Variants in LNX2 observed in about 807,000 individuals in gnomAD.
LNX2 encodes the protein ligand of numb-protein X 2, also known as ligand of Numb protein X 2.
Under a neutral mutation model 66.2 loss-of-function variants are expected in LNX2, and 35 were observed. The observed-to-expected ratio is 0.53, with a 90% confidence interval of 0.40 to 0.70. LNX2 has a LOEUF of 0.70. Ranked by LOEUF, LNX2 falls within the 30% of genes least tolerant of loss-of-function variation. LNX2 has a pLI of 0.00. For synonymous variants in LNX2, 337 were observed against 315.6 expected (o/e 1.07, Z -0.72); for missense variants, 791 against 850.8 (o/e 0.93, Z 0.87).
chr13:27,574,239 G>A (rs1240422297), intron 2 of LNX2, among the ~76,000 whole-genome samples: 1 of 152,200 alleles, frequency 6.6e-6, no homozygotes, highest in Non-Finnish European at 1.5e-5. Flanking sequence ...GGGGTCAGGA[G>A]TTCAAGACCA....
upstream of LNX2, chr13:27,620,953 A>C (rs1005666007): frequency 6.5e-6 from 1 of 152,806 alleles, no homozygotes; most frequent in Non-Finnish European, 1.5e-5. Context: ...GGAAGCAGAA[A>C]CGTAGTTGCG....
At position 27,576,907 on chromosome 13, in the gene LNX2, T is replaced by G. The variant is rs189633512; in HGVS notation, c.407+4390A>C. 2.1e-4 allele frequency among the ~76,000 whole-genome samples: 32 copies of G among 152,292 alleles called. 1 individual carries two copies. The highest frequency in any genetic ancestry group is 1.5e-3 in the Admixed American group (23 of 15,304). ...TTGTGACCTTGAATTGGGCAATGTT[T>G]TCTTAGATATGACACCAAAAGCATA... On this transcript the variant is annotated intron_variant, in intron 2 of 9. Coordinates refer to ENST00000316334, the MANE Select transcript of LNX2 (RefSeq NM_153371.4).
chr13:27,580,572 A>C (rs1425105820), intron 2 of LNX2, among the ~76,000 whole-genome samples: 1 of 152,178 alleles, frequency 6.6e-6, no homozygotes, highest in African/African-American at 2.4e-5. Context: ...GTCTTTTAGC[A>C]AAATCAAATT....
intron 1 of LNX2, among the ~76,000 whole-genome samples, chr13:27,583,792 C>A (rs1290897479): frequency 6.6e-6 from 1 of 152,028 alleles, no homozygotes; most frequent in Non-Finnish European, 1.5e-5. Flanking sequence ...ACAGTTAAAG[C>A]CCATTATTAA....
intron 2 of LNX2, among the ~76,000 whole-genome samples, chr13:27,578,669 C>T (rs576121764): frequency 6.6e-6 from 1 of 152,300 alleles, no homozygotes; most frequent in South Asian, 2.1e-4. Flanking sequence ...CTGAGGCTGT[C>T]ATGCTGGGAA....
Position 27,548,199 on chromosome 13 carries a change from C to A in LNX2, c.*136G>T. On this transcript the variant is annotated 3_prime_UTR_variant, in exon 10 of 10. Transcript: ENST00000316334. ...AACCATTTAAATAAACATAAACGGA[C>A]AATCTTAGTGGGTTTTGGCCCTGTG... 1 of 696,108 alleles carries A rather than the reference C, an allele frequency of 1.4e-6. No homozygotes were observed. Among genetic ancestry groups the A allele is most frequent in the South Asian group, 2.1e-5 (1 of 48,726 alleles). 43.1% of individuals were successfully genotyped at this position (696,108 alleles called of 1,614,324 possible).
intron 2 of LNX2, among the ~76,000 whole-genome samples, chr13:27,570,115 T>A (rs1464184650): frequency 6.6e-6 from 1 of 152,194 alleles, no homozygotes; most frequent in Non-Finnish European, 1.5e-5. Flanking sequence ...ATTGGACACC[T>A]TGATTGGACA....
At chr13:27,616,617 A>G (rs1566136370) in intron 1 of LNX2, among the ~76,000 whole-genome samples, 2 of 152,226 alleles carry the variant, frequency 1.3e-5, no homozygotes. Flanking sequence ...GGGATTCTGC[A>G]GTTAGCAAAA....
intron 2 of LNX2, among the ~76,000 whole-genome samples, chr13:27,571,172 T>C (rs1207848142): frequency 3.3e-5 from 5 of 152,096 alleles, no homozygotes; most frequent in Non-Finnish European, 5.9e-5. Context: ...CCAGCCTGAG[T>C]AGATGAAATT....
chr13:27,572,463 T>A (rs1195161256), intron 2 of LNX2, among the ~76,000 whole-genome samples: 2 of 152,230 alleles, frequency 1.3e-5, no homozygotes, highest in Non-Finnish European at 2.9e-5. Context: ...GGCAGTGCAA[T>A]CTGCCATGGG....
chr13:27,577,567 CA>C (rs1394497078), intron 2 of LNX2, among the ~76,000 whole-genome samples: 1 of 152,018 alleles, frequency 6.6e-6, no homozygotes, highest in African/African-American at 2.4e-5. Context: ...AAAATAATCC[CA>C]AAAGCCTTCC....
At chr13:27,607,361 T>C (rs1230874162) in intron 1 of LNX2, among the ~76,000 whole-genome samples, 2 of 152,228 alleles carry the variant, frequency 1.3e-5, no homozygotes, top group African/African-American at 4.8e-5. Context: ...CAAGTTCTTA[T>C]GTACCAAAGA....
intron 1 of LNX2, among the ~76,000 whole-genome samples, chr13:27,619,976 T>C (rs567891794): frequency 3.8e-4 from 58 of 152,194 alleles, no homozygotes; most frequent in African/African-American, 1.4e-3. Context: ...GCCACTCTCA[T>C]TGCCGACACC....
intron 1 of LNX2, among the ~76,000 whole-genome samples, chr13:27,584,532 G>T (rs748201961): frequency 7.2e-5 from 11 of 151,862 alleles, no homozygotes; most frequent in Middle Eastern, 6.9e-3. Flanking sequence ...CAAAAAATAA[G>T]AAAATTAGCC....
chr13:27,618,971 T>TG (rs1955858193), intron 1 of LNX2, among the ~76,000 whole-genome samples: 1 of 152,212 alleles, frequency 6.6e-6, no homozygotes, highest in Non-Finnish European at 1.5e-5. Flanking sequence ...GATAAAGGCA[T>TG]GGATCAGTTT....
At chr13:27,558,945 G>A (rs1346096625) in intron 6 of LNX2, among the ~76,000 whole-genome samples, 4 of 152,044 alleles carry the variant, frequency 2.6e-5, no homozygotes, top group African/African-American at 9.7e-5. Flanking sequence ...GTTACTTTCA[G>A]GTGACAATAA....
intron 1 of LNX2, among the ~76,000 whole-genome samples, chr13:27,594,819 T>A (rs561682256): frequency 6.6e-6 from 1 of 152,126 alleles, no homozygotes; most frequent in Non-Finnish European, 1.5e-5. Flanking sequence ...CGATTCCACC[T>A]CCAGAATGTG....
At chr13:27,611,441 G>A (rs1593266744) in intron 1 of LNX2, among the ~76,000 whole-genome samples, 1 of 152,164 alleles carries the variant, frequency 6.6e-6, no homozygotes, top group South Asian at 2.1e-4. Flanking sequence ...CCAGGGACTG[G>A]GGAGAGGAGG....
chr13:27,597,515 G>A (rs1345949954), intron 1 of LNX2, among the ~76,000 whole-genome samples: 1 of 152,086 alleles, frequency 6.6e-6, no homozygotes, highest in Non-Finnish European at 1.5e-5. Flanking sequence ...GGGGGTGGAT[G>A]GACAGAAAAG....
Sources: gnomAD v4.1 joint callset for allele counts (sites outside exome capture counted in the v4.1 genomes callset) on GRCh38, gnomAD v4.1.1 for gene constraint, MANE v1.5 for transcripts, NCBI Gene and HGNC (gene_info 2026-07-23, HGNC 2026-07-21) for gene names.